RANBP2: variants seen among roughly 807,000 people sequenced by gnomAD.
RANBP2 encodes E3 SUMO-protein ligase RanBP2.
A neutral mutation model predicts 303.6 loss-of-function variants in RANBP2; 57 were observed. That is an observed-to-expected ratio of 0.19 (90% confidence interval 0.15 to 0.23). The LOEUF (loss-of-function observed/expected upper bound fraction) is 0.23, where lower values mean the gene tolerates loss of function less well. Ranked by LOEUF, RANBP2 falls within the 10% of genes least tolerant of loss-of-function variation. The pLI is 1.00. For missense variants in RANBP2, 3,138 were observed against 3,780.8 expected (o/e 0.83, Z 4.46); for synonymous variants, 1,167 against 1,301.5 (o/e 0.90, Z 2.23).
At chr2:109,304,262 C>T in the RANBP2 span, among the ~76,000 whole-genome samples, 2 of 152,102 alleles carry the variant, frequency 1.3e-5, no homozygotes, top group African/African-American at 4.8e-5. Context: ...CAACCCCAGC[C>T]CCTGGTAACC....
At chr2:109,457,456 CAT>C in the RANBP2 span, among the ~76,000 whole-genome samples, 3 of 152,178 alleles carry the variant, frequency 2.0e-5, no homozygotes, top group Non-Finnish European at 2.9e-5. Flanking sequence ...ATTTGTAAGT[CAT>C]GTGTAATAGT....
chr2:109,490,534 C>CA, the RANBP2 span: 1 of 1,225,170 alleles, frequency 8.2e-7, no homozygotes, highest in Non-Finnish European at 1.1e-6. Flanking sequence ...AAGATGCATT[C>CA]CCCTCTCTCT....
At chr2:109,628,383 A>G in the RANBP2 span, among the ~76,000 whole-genome samples, 2 of 151,958 alleles carry the variant, frequency 1.3e-5, no homozygotes, top group Non-Finnish European at 2.9e-5. Context: ...AATCCTAGCT[A>G]CTCCGGAGGC....
chr2:109,261,365 G>A, the RANBP2 span, among the ~76,000 whole-genome samples: 38,490 of 152,110 alleles, frequency 0.25, 5,292 homozygotes, highest in East Asian at 0.46. Flanking sequence ...TTAATCATGA[G>A]GATTAAATTG....
At chr2:109,034,414 G>A in the RANBP2 span, among the ~76,000 whole-genome samples, 3 of 152,126 alleles carry the variant, frequency 2.0e-5, no homozygotes, top group Non-Finnish European at 4.4e-5. Flanking sequence ...CAGAGGAAGA[G>A]ACTGGCGTTT....
At chr2:108,863,665 G>T in the RANBP2 span, among the ~76,000 whole-genome samples, 1 of 152,080 alleles carries the variant, frequency 6.6e-6, no homozygotes, top group East Asian at 1.9e-4. Context: ...TTTAATTATT[G>T]CTTAATATTT....
the RANBP2 span, among the ~76,000 whole-genome samples, chr2:109,744,470 G>C: frequency 3.4e-5 from 3 of 87,574 alleles, 1 homozygote; most frequent in Non-Finnish European, 8.8e-5. Context: ...ATTCCTTATA[G>C]ATTCTGGATG....
chr2:108,987,694 G>T, the RANBP2 span, among the ~76,000 whole-genome samples: 1 of 152,200 alleles, frequency 6.6e-6, no homozygotes, highest in African/African-American at 2.4e-5. Context: ...CTTAGGGATG[G>T]GGAGGGGTAC....
At chr2:109,146,790 G>GC in the RANBP2 span, among the ~76,000 whole-genome samples, 10 of 116,334 alleles carry the variant, frequency 8.6e-5, no homozygotes, top group South Asian at 3.2e-4. Flanking sequence ...TTTCTTTAGT[G>GC]CCCCCCCCAT....
At chr2:109,653,677 G>T in the RANBP2 span, among the ~76,000 whole-genome samples, 1 of 152,084 alleles carries the variant, frequency 6.6e-6, no homozygotes, top group Non-Finnish European at 1.5e-5. Flanking sequence ...TGGGTAAGCG[G>T]GTCACACAAA....
the RANBP2 span, among the ~76,000 whole-genome samples, chr2:109,286,515 G>C: frequency 1.3e-5 from 2 of 152,324 alleles, no homozygotes; most frequent in African/African-American, 2.4e-5. Flanking sequence ...CCTGGGTGCA[G>C]AAGACCAAGT....
At chr2:109,131,713 TG>T in the RANBP2 span, among the ~76,000 whole-genome samples, 1 of 152,200 alleles carries the variant, frequency 6.6e-6, no homozygotes, top group Non-Finnish European at 1.5e-5. Flanking sequence ...GGTTGAAGCT[TG>T]GAACTTTTTA....
At chr2:109,487,985 A>G in the RANBP2 span, among the ~76,000 whole-genome samples, 5 of 152,228 alleles carry the variant, frequency 3.3e-5, no homozygotes, top group Non-Finnish European at 7.3e-5. Flanking sequence ...AGGCCCCTTC[A>G]TGGTGAAGAG....
At chr2:109,699,326 C>T in the RANBP2 span, among the ~76,000 whole-genome samples, 1 of 152,046 alleles carries the variant, frequency 6.6e-6, no homozygotes, top group Non-Finnish European at 1.5e-5. Context: ...ACAGTTGACT[C>T]GTGAACAATG....
the RANBP2 span, among the ~76,000 whole-genome samples, chr2:109,521,982 T>C: frequency 6.6e-6 from 1 of 152,050 alleles, no homozygotes; most frequent in Non-Finnish European, 1.5e-5. Context: ...CACCCGAGGG[T>C]CCAGGACAGC....
chr2:109,426,670 A>C, the RANBP2 span, among the ~76,000 whole-genome samples: 1 of 152,240 alleles, frequency 6.6e-6, no homozygotes, highest in South Asian at 2.1e-4. Flanking sequence ...ACAGTTGATG[A>C]AGCAGCAGCA....
At chr2:109,489,799 G>A in the RANBP2 span, among the ~76,000 whole-genome samples, 8 of 152,234 alleles carry the variant, frequency 5.3e-5, no homozygotes, top group East Asian at 1.9e-4. Context: ...GTGCAGTGGC[G>A]CAATCTCAGC....
the RANBP2 span, among the ~76,000 whole-genome samples, chr2:109,221,733 A>G: frequency 6.6e-6 from 1 of 152,126 alleles, no homozygotes; most frequent in African/African-American, 2.4e-5. Context: ...CGTGGAGAAA[A>G]GGGAACTCAC....
the RANBP2 span, among the ~76,000 whole-genome samples, chr2:109,010,116 C>T: frequency 6.6e-6 from 1 of 152,114 alleles, no homozygotes; most frequent in East Asian, 1.9e-4. Context: ...ACATAGTGGG[C>T]ATTGTGTTCT....
Sources: allele counts gnomAD v4.1 joint callset (sites outside exome capture counted in the v4.1 genomes callset), GRCh38; gene constraint gnomAD v4.1.1; transcripts MANE v1.5; gene names NCBI Gene and HGNC (gene_info 2026-07-23, HGNC 2026-07-21).